Variants in HERC5 observed in about 807,000 individuals in gnomAD.
HERC5 encodes E3 ISG15--protein ligase HERC5.
In HERC5, 99 loss-of-function variants were observed where a neutral mutation model predicts 119.6. The ratio of observed to expected loss-of-function variants is 0.83; its 90% confidence interval spans 0.70 to 0.98. HERC5 has a LOEUF of 0.98. HERC5 is among the 50% of genes least tolerant of loss of function. HERC5 has a pLI of 0.00. For missense variants in HERC5, 1,267 were observed against 1,241.3 expected (o/e 1.02, Z -0.31); for synonymous variants, 478 against 445.9 (o/e 1.07, Z -0.91).
At chr4:88,457,743 C>G in intron 1 of HERC5, 1 of 641,726 alleles carries the variant, frequency 1.6e-6, no homozygotes, top group Non-Finnish European at 2.2e-6. Context: ...GGGATACTGG[C>G]GACCAGCGGA....
At chr4:88,458,746 A>G (rs1350367010) in intron 1 of HERC5, among the ~76,000 whole-genome samples, 1 of 152,170 alleles carries the variant, frequency 6.6e-6, no homozygotes, top group Non-Finnish European at 1.5e-5. Context: ...ATAAGAGTAC[A>G]TTTTTACTAG....
At chr4:88,476,799 T>C (rs1241258213) in intron 12 of HERC5, among the ~76,000 whole-genome samples, 1 of 151,812 alleles carries the variant, frequency 6.6e-6, no homozygotes, top group Non-Finnish European at 1.5e-5. Flanking sequence ...TGCATGCCTG[T>C]AATCCCAGCT....
intron 3 of HERC5, among the ~76,000 whole-genome samples, chr4:88,460,659 A>G (rs1223803425): frequency 6.6e-6 from 1 of 152,190 alleles, no homozygotes; most frequent in Non-Finnish European, 1.5e-5. Context: ...CATGGTGGGA[A>G]ATGGAAGCAG....
At chr4:88,501,600 C>T (rs776143845) in intron 20 of HERC5, among the ~76,000 whole-genome samples, 13 of 152,086 alleles carry the variant, frequency 8.5e-5, no homozygotes, top group African/African-American at 2.4e-4. Context: ...TCTTTTTCCA[C>T]GATTTCTTAA....
At chr4:88,484,615 G>C (rs1017929894) in intron 13 of HERC5, among the ~76,000 whole-genome samples, 5 of 152,170 alleles carry the variant, frequency 3.3e-5, no homozygotes, top group Non-Finnish European at 7.3e-5. Context: ...GGGTCAAGGT[G>C]GAGGTGGAGT....
At chr4:88,496,724 TAAAC>T (rs966072949) in intron 18 of HERC5, among the ~76,000 whole-genome samples, 13 of 152,230 alleles carry the variant, frequency 8.5e-5, no homozygotes, top group African/African-American at 2.9e-4. Flanking sequence ...TGAGATTTCT[TAAAC>T]AAGACATGCA....
At chr4:88,496,893 T>A (rs1293854843) in intron 18 of HERC5, among the ~76,000 whole-genome samples, 1 of 152,084 alleles carries the variant, frequency 6.6e-6, no homozygotes, top group Non-Finnish European at 1.5e-5. Flanking sequence ...TGAAGCCTCA[T>A]CCCCAGTGTG....
intron 21 of HERC5, 25 bp from the exon 22 acceptor site, chr4:88,504,470 T>C (rs1384039197): frequency 1.3e-6 from 2 of 1,569,414 alleles, no homozygotes; most frequent in Non-Finnish European, 1.7e-6. Context: ...ATTTCCTCAA[T>C]AACTTTTTTT....
chr4:88,498,666 G>T (rs777210662), intron 18 of HERC5, among the ~76,000 whole-genome samples: 7 of 152,160 alleles, frequency 4.6e-5, no homozygotes, highest in Non-Finnish European at 1.0e-4. Flanking sequence ...CACCTCCCAG[G>T]TTCAAGCGAT....
chr4:88,487,903 G>A (rs1437887799), intron 15 of HERC5, among the ~76,000 whole-genome samples: 2 of 152,086 alleles, frequency 1.3e-5, no homozygotes, highest in Non-Finnish European at 2.9e-5. Flanking sequence ...CTCACACAAA[G>A]CACCCAAAGG....
At position 88,499,979 on chromosome 4, in the gene HERC5, A is replaced by G. The variant is rs1294686375; in HGVS notation, c.2498A>G (p.Tyr833Cys). 1 of 1,599,690 alleles carries G rather than the reference A, an allele frequency of 6.3e-7. No homozygotes were observed. The highest frequency in any genetic ancestry group is 8.6e-7 in the Non-Finnish European group (1 of 1,167,140). The change falls in exon 19 of 23, where the codon TAC (tyrosine) becomes TGC (cysteine). Residue 833 changes from tyrosine to cysteine, a missense_variant. Physicochemically the swap from Tyr to Cys is radical, Grantham distance 194 (BLOSUM62 -2). Around this residue, in one of 3 missense-constraint regions of HERC5, gnomAD observed 473 missense variants for 445.7 expected, o/e 1.06. Transcript: ENST00000264350. ...DEGDNFEEVF[Y>C]IHFNVHWDRN... ...GGTGATAACTTTGAGGAAGTATTTT[A>G]CATCCATTTTAATGTGAGTAACAAT...
At chr4:88,474,200 G>C (rs955447353) in intron 11 of HERC5, among the ~76,000 whole-genome samples, 3 of 152,180 alleles carry the variant, frequency 2.0e-5, no homozygotes, top group African/African-American at 7.2e-5. Context: ...ACACTTCACT[G>C]TCTTCGCTAG....
intron 12 of HERC5, among the ~76,000 whole-genome samples, chr4:88,478,109 T>A (rs1741146584): frequency 1.3e-5 from 2 of 152,200 alleles, no homozygotes; most frequent in African/African-American, 2.4e-5. Context: ...TAGTATTTTT[T>A]AATAGAGACA....
intron 19 of HERC5, 117 bp downstream of exon 19, chr4:88,500,109 G>T (rs1741905759): frequency 9.1e-6 from 6 of 660,370 alleles, no homozygotes; most frequent in Admixed American, 2.9e-5. Context: ...TAGTGAAAAA[G>T]GTATTGTTCT....
chr4:88,460,006 A>G, intron 2 of HERC5, 89 bp from the exon 3 acceptor site: 1 of 672,594 alleles, frequency 1.5e-6, no homozygotes. Flanking sequence ...CTTGAGCTTC[A>G]TTTCTAATTA....
intron 16 of HERC5, among the ~76,000 whole-genome samples, chr4:88,490,340 G>A (rs961890108): frequency 6.6e-6 from 1 of 152,086 alleles, no homozygotes; most frequent in Non-Finnish European, 1.5e-5. Flanking sequence ...GAACTATTAG[G>A]TAACTTATCC....
At chr4:88,469,412 C>G (rs1740788063) in intron 9 of HERC5, 152 bp downstream of exon 9, 1 of 668,560 alleles carries the variant, frequency 1.5e-6, no homozygotes, top group African/African-American at 1.8e-5. Context: ...CTATCTTTAT[C>G]TCTATCATGT....
At chr4:88,475,117 C>CTTTTTTTTTTTTTTTTTTTTTTTTT (rs764084976) in intron 11 of HERC5, among the ~76,000 whole-genome samples, 1 of 109,950 alleles carries the variant, frequency 9.1e-6, no homozygotes, top group Non-Finnish European at 2.0e-5. Context: ...CGGATTTTGT[C>CTTTTTTTTTTTTTTTTTTTTTTTTT]TTTTTTTTTT....
chr4:88,488,813 G>C (rs1366267615), intron 15 of HERC5, among the ~76,000 whole-genome samples: 1 of 152,004 alleles, frequency 6.6e-6, no homozygotes, highest in Non-Finnish European at 1.5e-5. Flanking sequence ...GCAGTGCACT[G>C]TTTCAGTGGA....
Sources: allele counts gnomAD v4.1 joint callset (sites outside exome capture counted in the v4.1 genomes callset), GRCh38; gene constraint gnomAD v4.1.1; regional missense constraint gnomAD v4.1.1; transcripts MANE v1.5; gene names NCBI Gene and HGNC (gene_info 2026-07-23, HGNC 2026-07-21).